The following KCNIP1 variants were observed in gnomAD, a reference collection of about 807,000 sequenced individuals.
The protein encoded by KCNIP1 is A-type potassium channel modulatory protein KCNIP1.
Under a neutral mutation model 33.0 loss-of-function variants are expected in KCNIP1, and 18 were observed. The ratio of observed to expected loss-of-function variants is 0.55; its 90% CI spans 0.38 to 0.81. The LOEUF (loss-of-function observed/expected upper bound fraction) is 0.81. KCNIP1 is among the 30% of genes least tolerant of loss of function. KCNIP1 has a pLI of 0.00. For missense variants in KCNIP1, 238 were observed against 271.6 expected (o/e 0.88, Z 0.87); for synonymous variants, 93 against 98.3 (o/e 0.95, Z 0.32).
chr5:170,397,337 G>A (rs974895368), intron 1 of KCNIP1, among the ~76,000 whole-genome samples: 1 of 152,180 alleles, frequency 6.6e-6, no homozygotes, highest in Non-Finnish European at 1.5e-5. Context: ...GCTTGTTGCT[G>A]CAGTCCCCAG....
At position 170,408,838 on chromosome 5, in the gene KCNIP1, C is replaced by T. The variant is rs543416773; in HGVS notation, c.88+54874C>T. ...GCAGCAGAGTGAAGGCTCAGTCAGG[C>T]GGTGGGTCTTTTTGCGTGGGTATTT... On this transcript the variant is annotated intron_variant, in intron 1 of 7. Transcript: ENST00000377360. Among the ~76,000 whole-genome samples the T allele has an allele frequency of 5.3e-5, 8 of 152,184 alleles. 1 individual carries two copies. The South Asian group carries it at 1.0e-3, about 20-fold the overall frequency.
At chr5:170,374,222 T>C (rs1763926804) in intron 1 of KCNIP1, among the ~76,000 whole-genome samples, 1 of 152,168 alleles carries the variant, frequency 6.6e-6, no homozygotes, top group East Asian at 1.9e-4. Context: ...TATTAATATT[T>C]ATATTGCATT....
At chr5:170,353,588 C>T (rs890188057) in exon 1 of KCNIP1, 13 of 515,906 alleles carry the variant, frequency 2.5e-5, no homozygotes, top group Admixed American at 1.6e-4. Flanking sequence ...CCTTGTGCCC[C>T]GGCAGTGCTG....
At chr5:170,631,582 G>A (rs1427637911) in intron 1 of KCNIP1, among the ~76,000 whole-genome samples, 1 of 152,252 alleles carries the variant, frequency 6.6e-6, no homozygotes, top group Admixed American at 6.5e-5. Context: ...CAGAAGGGAA[G>A]CTGTCTTCCA....
At chr5:170,593,135 T>C (rs1350307307) in intron 1 of KCNIP1, among the ~76,000 whole-genome samples, 1 of 152,204 alleles carries the variant, frequency 6.6e-6, no homozygotes, top group Non-Finnish European at 1.5e-5. Context: ...TGCTTTTACA[T>C]AGTTGGAATT....
chr5:170,392,472 C>T (rs1754628659), intron 1 of KCNIP1, among the ~76,000 whole-genome samples: 1 of 152,138 alleles, frequency 6.6e-6, no homozygotes, highest in Admixed American at 6.5e-5. Context: ...AGGATTAAAC[C>T]AGTGAGAATT....
rs1763644602 is a variant in KCNIP1 at position 170,716,359 on chromosome 5, G to A, written c.62-2399G>A. On this transcript the variant is annotated intron_variant, in intron 1 of 7. Transcript: ENST00000328939. Reference sequence around the variant, plus strand: ...TATACATGTGTGTATACTGGGTTGTGATTTAAATTACAATTCTTACTATAA... The same window carrying A: ...TATACATGTGTGTATACTGGGTTGTAATTTAAATTACAATTCTTACTATAA... 3.9e-5 allele frequency among the ~76,000 whole-genome samples: 6 copies of A among 152,218 alleles called. 1 individual carries two copies. The highest frequency in any genetic ancestry group is 3.9e-4 in the Admixed American group (6 of 15,274).
intron 1 of KCNIP1, among the ~76,000 whole-genome samples, chr5:170,710,654 T>A (rs904281791): frequency 9.8e-5 from 15 of 152,344 alleles, no homozygotes; most frequent in African/African-American, 3.6e-4. Flanking sequence ...CCTTGGTAGC[T>A]CTCCAAAGCC....
chr5:170,681,202 G>A (rs1413332033), intron 1 of KCNIP1: 1 of 398,908 alleles, frequency 2.5e-6, no homozygotes, highest in Non-Finnish European at 4.4e-6. Flanking sequence ...GAGCTTCCCC[G>A]TTTTCTGTGA....
At chr5:170,419,134 T>A (rs1507351) in intron 1 of KCNIP1, among the ~76,000 whole-genome samples, 107,177 of 152,176 alleles carry the variant, frequency 0.7, 38,234 homozygotes, top group African/African-American at 0.83. Flanking sequence ...ATGGAAGAAG[T>A]GAGCTGAGAT....
At chr5:170,483,230 G>C in intron 1 of KCNIP1, 1 of 365,706 alleles carries the variant, frequency 2.7e-6, no homozygotes, top group Non-Finnish European at 5.3e-6. Flanking sequence ...AGGGTGGTGG[G>C]AACACCCTAG....
chr5:170,577,669 G>A (rs72832764), intron 1 of KCNIP1, among the ~76,000 whole-genome samples: 107 of 152,308 alleles, frequency 7.0e-4, no homozygotes, highest in Non-Finnish European at 1.2e-3. Context: ...CGGAGACAGC[G>A]TGTGAATTTG....
At chr5:170,509,000 T>C (rs1754828108) in intron 1 of KCNIP1, among the ~76,000 whole-genome samples, 1 of 152,052 alleles carries the variant, frequency 6.6e-6, no homozygotes. Context: ...TCTGTGCACA[T>C]AGTAGGTACT....
intron 1 of KCNIP1, among the ~76,000 whole-genome samples, chr5:170,573,773 A>G (rs970026477): frequency 1.3e-5 from 2 of 152,250 alleles, no homozygotes; most frequent in African/African-American, 4.8e-5. Flanking sequence ...CTTTGCAAAA[A>G]AGACAGTGGA....
intron 1 of KCNIP1, among the ~76,000 whole-genome samples, chr5:170,453,899 G>C (rs896478530): frequency 2.6e-5 from 4 of 152,160 alleles, no homozygotes; most frequent in African/African-American, 9.7e-5. Context: ...CCTGAGTAAG[G>C]CTGGAACTAG....
chr5:170,558,378 T>G (rs550515607), intron 1 of KCNIP1, among the ~76,000 whole-genome samples: 2 of 152,316 alleles, frequency 1.3e-5, no homozygotes, highest in Non-Finnish European at 2.9e-5. Flanking sequence ...TCTCCAAAAG[T>G]AAATAATTTA....
intron 1 of KCNIP1, among the ~76,000 whole-genome samples, chr5:170,363,461 C>A (rs1763571480): frequency 6.6e-6 from 1 of 152,172 alleles, no homozygotes; most frequent in Non-Finnish European, 1.5e-5. Flanking sequence ...AGTACACACA[C>A]ACAGAGGAAA....
chr5:170,713,569 C>A (rs1311460640), intron 1 of KCNIP1, among the ~76,000 whole-genome samples: 2 of 152,198 alleles, frequency 1.3e-5, no homozygotes, highest in East Asian at 3.9e-4. Context: ...CAGATAATCC[C>A]ATTTTCCAAG....
intron 1 of KCNIP1, among the ~76,000 whole-genome samples, chr5:170,354,365 C>A (rs796355586): frequency 2.0e-5 from 3 of 152,312 alleles, no homozygotes; most frequent in African/African-American, 7.2e-5. Context: ...TTCTGCAGAA[C>A]AGAGACGCTT....
Sources: allele counts gnomAD v4.1 joint callset (sites outside exome capture counted in the v4.1 genomes callset), GRCh38; gene constraint gnomAD v4.1.1; transcripts MANE v1.5; gene names NCBI Gene and HGNC (gene_info 2026-07-23, HGNC 2026-07-21).